Variants in LRP1B observed in about 807,000 individuals in gnomAD.
LRP1B encodes the protein low-density lipoprotein receptor-related protein 1B.
LRP1B carries 217 observed loss-of-function variants against 556.6 expected under a neutral mutation model. The observed-to-expected ratio is 0.39, with a 90% CI of 0.35 to 0.44. The LOEUF (loss-of-function observed/expected upper bound fraction) is 0.44, where lower values mean the gene tolerates loss of function less well. Among genes scored for constraint, LRP1B ranks in the 20% least tolerant of loss-of-function variants. The probability of loss-of-function intolerance (pLI) is 1.00; values close to 1 mark genes in which losing one functional copy is unlikely to be tolerated. For synonymous variants in LRP1B, 2,047 were observed against 1,865.8 expected (o/e 1.10, Z -2.50); for missense variants, 5,053 against 5,620.8 (o/e 0.90, Z 3.23).
At chr2:141,420,313 G>C (rs1573925445) in intron 3 of LRP1B, among the ~76,000 whole-genome samples, 2 of 152,252 alleles carry the variant, frequency 1.3e-5, no homozygotes, top group East Asian at 3.9e-4. Flanking sequence ...ATTGTGTTGG[G>C]ATATAAACAT....
intron 1 of LRP1B, among the ~76,000 whole-genome samples, chr2:142,012,265 C>G (rs1476210478): frequency 6.6e-6 from 1 of 151,976 alleles, no homozygotes; most frequent in Non-Finnish European, 1.5e-5. Context: ...CATATGGAAA[C>G]TGAAAATTTT....
At chr2:142,080,194 T>C (rs1315014110) in intron 1 of LRP1B, among the ~76,000 whole-genome samples, 2 of 152,184 alleles carry the variant, frequency 1.3e-5, no homozygotes, top group East Asian at 3.9e-4. Flanking sequence ...AAACTGCTGC[T>C]ACATGTCTTC....
chr2:141,737,437 A>G (rs1392122270), intron 2 of LRP1B, among the ~76,000 whole-genome samples: 1 of 152,242 alleles, frequency 6.6e-6, no homozygotes, highest in Non-Finnish European at 1.5e-5. Context: ...ACTAGCATAC[A>G]GAGCTTCTTA....
At chr2:141,646,525 C>T (rs1018806142) in intron 2 of LRP1B, among the ~76,000 whole-genome samples, 4 of 151,916 alleles carry the variant, frequency 2.6e-5, no homozygotes, top group Non-Finnish European at 5.9e-5. Context: ...TTAATTAATA[C>T]GTTGGGAGCA....
intron 3 of LRP1B, among the ~76,000 whole-genome samples, chr2:141,393,289 C>T (rs952743112): frequency 2.6e-5 from 4 of 152,006 alleles, no homozygotes; most frequent in Non-Finnish European, 2.9e-5. Flanking sequence ...TAATGAGGAG[C>T]TTATAAAACT....
intron 1 of LRP1B, among the ~76,000 whole-genome samples, chr2:141,844,718 T>A (rs1697586135): frequency 6.6e-6 from 1 of 152,066 alleles, no homozygotes; most frequent in Admixed American, 6.6e-5. Flanking sequence ...AGTTCAGATA[T>A]CATAGGAGAA....
At chr2:141,431,247 T>A (rs1289733364) in intron 3 of LRP1B, among the ~76,000 whole-genome samples, 1 of 150,786 alleles carries the variant, frequency 6.6e-6, no homozygotes, top group Non-Finnish European at 1.5e-5. Flanking sequence ...GTCAGAGAGA[T>A]GTAGCAGAAG....
At chr2:141,103,861 G>C (rs1369499068) in intron 7 of LRP1B, among the ~76,000 whole-genome samples, 2 of 151,794 alleles carry the variant, frequency 1.3e-5, no homozygotes, top group Non-Finnish European at 2.9e-5. Context: ...TTTTAGCAAA[G>C]TCTTTTTTCA....
At chr2:140,750,288 A>C (rs1688530730) in intron 35 of LRP1B, among the ~76,000 whole-genome samples, 1 of 152,212 alleles carries the variant, frequency 6.6e-6, no homozygotes, top group South Asian at 2.1e-4. Flanking sequence ...ATTATGGTGA[A>C]TACAAGGAAA....
At chr2:140,911,475 C>A (rs1694417974) in intron 21 of LRP1B, among the ~76,000 whole-genome samples, 1 of 151,908 alleles carries the variant, frequency 6.6e-6, no homozygotes, top group Admixed American at 6.6e-5. Flanking sequence ...ATTATGTACA[C>A]ACATATGCAG....
At chr2:140,740,480 ATGATACATGGACTT>A (rs1351788703) in intron 35 of LRP1B, among the ~76,000 whole-genome samples, 2 of 152,132 alleles carry the variant, frequency 1.3e-5, no homozygotes, top group East Asian at 3.9e-4. Flanking sequence ...AGGCGTAAGA[ATGATACATGGACTT>A]TGAGGACTTC....
chr2:142,074,798 C>A (rs536146877), intron 1 of LRP1B, among the ~76,000 whole-genome samples: 1 of 152,166 alleles, frequency 6.6e-6, no homozygotes, highest in South Asian at 2.1e-4. Flanking sequence ...GTATCTGACC[C>A]TCTCTCACCT....
chr2:141,079,539 A>G (rs1011886716), intron 7 of LRP1B, among the ~76,000 whole-genome samples: 2 of 152,222 alleles, frequency 1.3e-5, no homozygotes. Context: ...ATTTGAGCAC[A>G]CTATAATAAT....
At chr2:141,795,957 G>A (rs987692180) in intron 2 of LRP1B, among the ~76,000 whole-genome samples, 5 of 141,190 alleles carry the variant, frequency 3.5e-5, no homozygotes, top group African/African-American at 1.3e-4. Flanking sequence ...CACAAAGGAT[G>A]CAACTCACAG....
At chr2:140,704,704 TGTGAAGGAGG>T (rs1686766345) in intron 37 of LRP1B, among the ~76,000 whole-genome samples, 1 of 152,128 alleles carries the variant, frequency 6.6e-6, no homozygotes, top group African/African-American at 2.4e-5. Flanking sequence ...AATGTTATAC[TGTGAAGGAGG>T]CACTGTGAGA....
intron 2 of LRP1B, among the ~76,000 whole-genome samples, chr2:141,722,125 C>G (rs1692839230): frequency 1.3e-5 from 2 of 152,166 alleles, no homozygotes; most frequent in Non-Finnish European, 2.9e-5. Context: ...TGCCTCTAAT[C>G]TCAGCACTTT....
chr2:140,920,334 A>G (rs535862433), intron 21 of LRP1B, among the ~76,000 whole-genome samples: 2 of 152,148 alleles, frequency 1.3e-5, no homozygotes, highest in South Asian at 4.1e-4. Context: ...AGGAATTTAA[A>G]AACCTACTGT....
intron 20 of LRP1B, among the ~76,000 whole-genome samples, chr2:140,937,281 C>G (rs561511906): frequency 1.2e-3 from 186 of 152,100 alleles, no homozygotes; most frequent in Non-Finnish European, 2.1e-3. Context: ...GAAGGAAATA[C>G]GGACATATGC....
chr2:141,726,130 C>T (rs1217696798), intron 2 of LRP1B, among the ~76,000 whole-genome samples: 1 of 150,418 alleles, frequency 6.6e-6, no homozygotes, highest in Non-Finnish European at 1.5e-5. Context: ...ATTATATAGG[C>T]ATTAAAAGTC....
Sources: allele counts gnomAD v4.1 joint callset (sites outside exome capture counted in the v4.1 genomes callset), GRCh38; gene constraint gnomAD v4.1.1; transcripts MANE v1.5; gene names NCBI Gene and HGNC (gene_info 2026-07-23, HGNC 2026-07-21).